The following DCDC2C variants were observed in gnomAD, a reference collection of about 807,000 sequenced individuals.
DCDC2C encodes doublecortin domain containing 2C.
A neutral mutation model predicts 45.0 loss-of-function variants in DCDC2C; 44 were observed. The observed-to-expected ratio is 0.98, with a 90% CI of 0.77 to 1.26. The LOEUF (loss-of-function observed/expected upper bound fraction) is 1.26, where lower values mean the gene tolerates loss of function less well. Among genes scored for constraint, DCDC2C ranks in the 50% most tolerant of loss-of-function variants. The pLI is 0.00. For missense variants in DCDC2C, 447 were observed against 468.9 expected (o/e 0.95, Z 0.43); for synonymous variants, 187 against 178.8 (o/e 1.05, Z -0.37).
intron 9 of DCDC2C, 138 bp downstream of exon 9, chr2:3,779,022 A>G: frequency 1.2e-6 from 1 of 808,986 alleles, no homozygotes. Context: ...ATCGGAAGCG[A>G]GTGCATTTCG....
At position 3,724,640 on chromosome 2, in the gene DCDC2C, G is replaced by T. The variant is rs552611680; in HGVS notation, c.340-2363G>T. Among the ~76,000 whole-genome samples, 16 of 152,296 alleles carry T rather than the reference G, an allele frequency of 1.1e-4. 1 individual carries two copies. Among genetic ancestry groups the T allele is most frequent in the Middle Eastern group, 3.4e-3 (1 of 294 alleles). On this transcript the variant is annotated intron_variant, in intron 2 of 10. Coordinates refer to ENST00000399143, the MANE Select transcript of DCDC2C (RefSeq NM_001287444.2). ...CGTCGAGCTCCTGTAACATTAATAG[G>T]TTAAGTGGTTTGTCTCGTGGTTTTG...
chr2:3,756,197 A>C (rs1490255063), intron 6 of DCDC2C, among the ~76,000 whole-genome samples: 1 of 152,142 alleles, frequency 6.6e-6, no homozygotes, highest in East Asian at 1.9e-4. Flanking sequence ...TGGGTCCTAG[A>C]GGGGCTTACC....
At chr2:3,727,181 T>TCCTCCCCTCC in intron 3 of DCDC2C, 102 bp downstream of exon 3, 1 of 915,244 alleles carries the variant, frequency 1.1e-6, no homozygotes, top group Non-Finnish European at 1.7e-6. Flanking sequence ...TTTCTGTCCC[T>TCCTCCCCTCC]CCTCCCCTCC....
intron 6 of DCDC2C, among the ~76,000 whole-genome samples, chr2:3,763,341 C>G (rs1045032067): frequency 6.6e-6 from 1 of 152,182 alleles, no homozygotes; most frequent in Non-Finnish European, 1.5e-5. Flanking sequence ...GGTGGGCCCG[C>G]GACCCAGCGC....
Position 3,703,898 on chromosome 2 carries a change from G to A in DCDC2C, c.147G>A (p.Gln49=), listed in dbSNP as rs1382816946. The A allele has an allele frequency of 7.3e-5, 98 of 1,336,292 alleles. No homozygotes were observed. Among genetic ancestry groups the A allele is most frequent in the Non-Finnish European group, 9.1e-5 (95 of 1,039,298 alleles). 82.8% of individuals were successfully genotyped at this position (1,336,292 alleles called of 1,614,324 possible). The change falls in exon 1 of 11, where the codon CAG becomes CAA. Residue 49 remains glutamine, a synonymous_variant. Transcript: ENST00000399143. The surrounding 1 kb of genome is among the most constrained non-coding windows in gnomAD (Gnocchi z 4.4). ...CCACCTTCGAGGCGCTGCTGGAGCA[G>A]CTCACGGAGCAGGTGGACGTCCCGT... ...RAATFEALLE[Q]LTEQVDVPFG...
intron 3 of DCDC2C, among the ~76,000 whole-genome samples, chr2:3,739,536 C>T (rs1196169645): frequency 1.3e-5 from 2 of 152,248 alleles, no homozygotes; most frequent in African/African-American, 4.8e-5. Context: ...CCAACAGGCA[C>T]CGGCACACCG....
At chr2:3,788,011 A>G (rs1670698475) in intron 10 of DCDC2C, among the ~76,000 whole-genome samples, 2 of 152,246 alleles carry the variant, frequency 1.3e-5, no homozygotes, top group Non-Finnish European at 2.9e-5. Context: ...AACAACAGGC[A>G]TCATGTACTT....
chr2:3,757,228 C>G (rs965121172), intron 6 of DCDC2C, among the ~76,000 whole-genome samples: 1 of 152,090 alleles, frequency 6.6e-6, no homozygotes, highest in Non-Finnish European at 1.5e-5. Context: ...TTTTCCATTT[C>G]TAACTTGTTA....
At chr2:3,742,496 T>G (rs1669246451) in intron 4 of DCDC2C, among the ~76,000 whole-genome samples, 1 of 151,950 alleles carries the variant, frequency 6.6e-6, no homozygotes, top group African/African-American at 2.4e-5. Flanking sequence ...AGGGAGGTAG[T>G]GTGTGTAATG....
intron 10 of DCDC2C, among the ~76,000 whole-genome samples, chr2:3,797,189 T>G (rs1163080385): frequency 6.6e-6 from 1 of 152,364 alleles, no homozygotes; most frequent in African/African-American, 2.4e-5. Flanking sequence ...GATGGTAGTT[T>G]GTATTTCTGT....
At chr2:3,771,019 C>T (rs1456630370) in intron 8 of DCDC2C, among the ~76,000 whole-genome samples, 1 of 152,246 alleles carries the variant, frequency 6.6e-6, no homozygotes, top group Admixed American at 6.5e-5. Flanking sequence ...ATGGAACTTT[C>T]TCGCTGTCAA....
intron 9 of DCDC2C, among the ~76,000 whole-genome samples, chr2:3,781,930 T>C (rs913221238): frequency 6.6e-6 from 1 of 152,194 alleles, no homozygotes; most frequent in East Asian, 1.9e-4. Flanking sequence ...TCACAAACGT[T>C]ATTTTTGTGG....
At chr2:3,756,336 G>GTCTGCCT (rs1393793322) in intron 6 of DCDC2C, among the ~76,000 whole-genome samples, 1 of 152,160 alleles carries the variant, frequency 6.6e-6, no homozygotes, top group Non-Finnish European at 1.5e-5. Flanking sequence ...TCCAGTGCCT[G>GTCTGCCT]TCTGCCTGGC....
At position 3,756,528 on chromosome 2, in the gene DCDC2C, C is replaced by T. The variant is rs116438255; in HGVS notation, c.726+1894C>T. On this transcript the variant is annotated intron_variant, in intron 6 of 10. Transcript: ENST00000399143. ...CAAATAGCTTTGACTTTCTCACCTG[C>T]GAGCCACTGTGTGCACCTGGCAAGT... 9.2e-3 allele frequency among the ~76,000 whole-genome samples: 1,398 copies of T among 152,276 alleles called. 26 individuals are homozygous for T. The highest frequency in any genetic ancestry group is 0.032 in the African/African-American group (1,345 of 41,550).
At chr2:3,799,280 T>C (rs1036288145) in intron 10 of DCDC2C, among the ~76,000 whole-genome samples, 4 of 152,314 alleles carry the variant, frequency 2.6e-5, no homozygotes, top group Middle Eastern at 3.4e-3. Flanking sequence ...TTCTAAATTT[T>C]TTTCAAAGTT....
chr2:3,742,933 T>C (rs1249161842), intron 4 of DCDC2C, among the ~76,000 whole-genome samples: 2 of 152,202 alleles, frequency 1.3e-5, no homozygotes, highest in African/African-American at 2.4e-5. Context: ...ACAGTGGTGC[T>C]AGTCATGATG....
At chr2:3,799,202 G>A (rs988368529) in intron 10 of DCDC2C, among the ~76,000 whole-genome samples, 10 of 152,198 alleles carry the variant, frequency 6.6e-5, no homozygotes, top group South Asian at 4.1e-4. Context: ...TAGTTCTCGA[G>A]CCTTGTTTTT....
intron 6 of DCDC2C, among the ~76,000 whole-genome samples, chr2:3,757,541 C>G (rs1315506696): frequency 6.6e-6 from 1 of 152,218 alleles, no homozygotes; most frequent in East Asian, 1.9e-4. Context: ...TGACCTAGAA[C>G]TTGTGACCCA....
intron 10 of DCDC2C, among the ~76,000 whole-genome samples, chr2:3,841,703 C>T (rs767939216): frequency 1.1e-4 from 17 of 152,266 alleles, no homozygotes; most frequent in Non-Finnish European, 2.1e-4. Flanking sequence ...TGCAGGAGGG[C>T]GCTAAGTTAG....
Sources: gnomAD v4.1 joint callset for allele counts (sites outside exome capture counted in the v4.1 genomes callset) on GRCh38, gnomAD v4.1.1 for gene constraint, Gnocchi (gnomAD v3.1) non-coding constraint, MANE v1.5 for transcripts, NCBI Gene and HGNC (gene_info 2026-07-23, HGNC 2026-07-21) for gene names.